CRHR2: variants seen among roughly 807,000 people sequenced by gnomAD.
CRHR2 encodes the protein corticotropin-releasing hormone receptor 2.
CRHR2 carries 53 observed loss-of-function variants against 57.9 expected under a neutral mutation model. That is an observed-to-expected ratio of 0.92 (90% confidence interval 0.73 to 1.15). CRHR2 has a LOEUF of 1.15. Among genes scored for constraint, CRHR2 ranks in the 50% most tolerant of loss-of-function variants. The pLI, the probability that CRHR2 is intolerant of heterozygous loss-of-function variation, is 0.00. For missense variants in CRHR2, 532 were observed against 542.6 expected (o/e 0.98, Z 0.19); for synonymous variants, 213 against 220.9 (o/e 0.96, Z 0.32).
At chr7:30,666,846 T>A (rs1249424019) in intron 3 of CRHR2, among the ~76,000 whole-genome samples, 2 of 150,828 alleles carry the variant, frequency 1.3e-5, no homozygotes, top group African/African-American at 4.8e-5. Flanking sequence ...GGGCTGCATT[T>A]GTTTCCATGT....
At chr7:30,689,848 G>A (rs994561342) in intron 1 of CRHR2, among the ~76,000 whole-genome samples, 112 of 152,334 alleles carry the variant, frequency 7.4e-4, no homozygotes, top group East Asian at 9.6e-4. Flanking sequence ...AGGTTAATAC[G>A]TGAGAGAAGT....
chr7:30,666,559 CA>C (rs1784190238), intron 3 of CRHR2, among the ~76,000 whole-genome samples: 1 of 152,236 alleles, frequency 6.6e-6, no homozygotes. Flanking sequence ...CCCTGTGGCT[CA>C]CATTTTGCAG....
intron 2 of CRHR2, among the ~76,000 whole-genome samples, chr7:30,680,819 T>TGTGC (rs1491100974): frequency 6.1e-4 from 1 of 1,642 alleles, no homozygotes; most frequent in Non-Finnish European, 7.7e-3. Context: ...TCTGAAAGCT[T>TGTGC]GTGTGTGTGT....
chr7:30,667,551 T>G (rs529218890), intron 2 of CRHR2, among the ~76,000 whole-genome samples: 8 of 152,374 alleles, frequency 5.3e-5, no homozygotes, highest in African/African-American at 1.7e-4. Context: ...TTGACTAGCA[T>G]TTTGTACACT....
upstream of CRHR2, chr7:30,686,465 A>G (rs1784859761): frequency 1.3e-6 from 2 of 1,528,768 alleles, no homozygotes; most frequent in East Asian, 4.9e-5. Context: ...CAACCCTGGC[A>G]TATGTGTGTG....
At chr7:30,678,510 C>T (rs1246270236) in intron 2 of CRHR2, among the ~76,000 whole-genome samples, 1 of 152,176 alleles carries the variant, frequency 6.6e-6, no homozygotes, top group Non-Finnish European at 1.5e-5. Flanking sequence ...CTTCCCTTGG[C>T]CCTGCTGCAT....
Position 30,656,171 on chromosome 7 carries a change from C to T in CRHR2, c.832-159G>A, listed in dbSNP as rs1783782926. Among the ~76,000 whole-genome samples the T allele has an allele frequency of 6.6e-6, 1 of 151,888 alleles. No individual in the cohort carries two copies. Among genetic ancestry groups the T allele is most frequent in the African/African-American group, 2.4e-5 (1 of 41,368 alleles). ...CTAGCACCTGCCAGCATCCCAAGGC[C>T]TGTGCTCCTCCCTCGCCAGGATGGG... On this transcript the variant is annotated intron_variant, in intron 8 of 11. Coordinates refer to ENST00000471646, the MANE Select transcript of CRHR2 (RefSeq NM_001883.5). This position sits in a 1 kb window ranked among gnomAD's most constrained non-coding sequence, Gnocchi z 4.4.
In CRHR2 at chr7:30,665,941, G is replaced by A. The variant is rs1250487400; in HGVS notation, c.316-302C>T. Among the ~76,000 whole-genome samples the A allele has an allele frequency of 2.0e-5, 3 of 152,172 alleles. No homozygotes were observed. The highest frequency in any genetic ancestry group is 6.5e-5 in the Admixed American group (1 of 15,286). On this transcript the variant is annotated intron_variant, in intron 3 of 11. Transcript: ENST00000471646. The surrounding 1 kb of genome is among the most constrained non-coding windows in gnomAD (Gnocchi z 4.5). Reference sequence around the variant, plus strand: ...ACAGGTGTGATCACAGTGCACCGCAGCCTTGATCTGCAGGCCTGAAGCAAT... The same window carrying A: ...ACAGGTGTGATCACAGTGCACCGCAACCTTGATCTGCAGGCCTGAAGCAAT...
intron 3 of CRHR2, among the ~76,000 whole-genome samples, chr7:30,666,327 C>A (rs965200605): frequency 6.6e-6 from 1 of 152,210 alleles, no homozygotes; most frequent in Non-Finnish European, 1.5e-5. Flanking sequence ...TTTAGAAATT[C>A]TATTCAAACT....
chr7:30,661,293 G>T (rs1335783835), intron 7 of CRHR2, among the ~76,000 whole-genome samples: 1 of 152,202 alleles, frequency 6.6e-6, no homozygotes, highest in Non-Finnish European at 1.5e-5. Flanking sequence ...CAACTTTGGG[G>T]AACTCATTCC....
At chr7:30,682,675 G>T, upstream of CRHR2, 1 of 250,382 alleles carries the variant, frequency 4.0e-6, no homozygotes, top group Non-Finnish European at 6.5e-6. Context: ...GCTGGAGAGC[G>T]TGGGCCTGGG....
intron 2 of CRHR2, among the ~76,000 whole-genome samples, chr7:30,688,624 C>T (rs1359807668): frequency 1.3e-5 from 2 of 152,218 alleles, no homozygotes; most frequent in South Asian, 2.1e-4. Flanking sequence ...ACCCCCACTC[C>T]CATCCTGTGG....
At chr7:30,670,078 T>C (rs1249883123) in intron 2 of CRHR2, among the ~76,000 whole-genome samples, 1 of 152,096 alleles carries the variant, frequency 6.6e-6, no homozygotes, top group African/African-American at 2.4e-5. Flanking sequence ...TTTTCCACTT[T>C]ATTGCCCTTG....
upstream of CRHR2, chr7:30,686,277 C>T (rs2128149924): frequency 7.5e-7 from 1 of 1,339,506 alleles, no homozygotes; most frequent in East Asian, 2.7e-5. Flanking sequence ...TCTCATCTAC[C>T]AGCCCATGCC....
chr7:30,653,134 G>T lies in CRHR2; in HGVS notation c.*326C>A, dbSNP rs1191830247. 6.2e-5 allele frequency: 18 copies of T among 290,524 alleles called. No homozygotes were observed. The highest frequency in any genetic ancestry group is 1.0e-4 in the Non-Finnish European group (16 of 153,494). 18.0% of individuals were successfully genotyped at this position (290,524 alleles called of 1,614,324 possible). ...TCTGCTACTATAAATAGCTGTGTGT[G>T]TTGGACAGGTCCTTCTCTGCTCTGG... On this transcript the variant is annotated 3_prime_UTR_variant, in exon 12 of 12. Transcript: ENST00000471646. This position sits in a 1 kb window ranked among gnomAD's most constrained non-coding sequence, Gnocchi z 5.0.
At position 30,662,205 on chromosome 7, in the gene CRHR2, G is replaced by T; in HGVS notation, c.709C>A (p.Pro237Thr). 6.2e-7 allele frequency: 1 copy of T among 1,614,156 alleles called. No homozygotes were observed. Reference sequence around the variant, plus strand: ...CCGATGGCCCAGGCGACGATGATGGGGAAGGGGATGCCTGAAAGAAGGAAA... The same window carrying T: ...CCGATGGCCCAGGCGACGATGATGGTGAAGGGGATGCCTGAAAGAAGGAAA... Reference protein sequence around the residue: ...FLFIGWCIPFPIIVAWAIGKL... With the variant: ...FLFIGWCIPFTIIVAWAIGKL... The change falls in exon 7 of 12, where the codon CCC becomes ACC. Residue 237 changes from proline to threonine, a missense_variant. By Grantham distance (38) the Pro-to-Thr change is conservative. Coordinates refer to ENST00000471646, the MANE Select transcript of CRHR2 (RefSeq NM_001883.5).
chr7:30,669,125 G>A (rs1178150095), intron 2 of CRHR2, among the ~76,000 whole-genome samples: 1 of 152,158 alleles, frequency 6.6e-6, no homozygotes, highest in Non-Finnish European at 1.5e-5. Context: ...GTCTATGTGA[G>A]GTGAGGCAGA....
chr7:30,665,641 T>C lies in CRHR2; in HGVS notation c.316-2A>G, dbSNP rs941136201. On this transcript the variant is annotated splice_acceptor_variant, in intron 3 of 11. Transcript: ENST00000471646. LOFTEE classifies it high-confidence loss of function. The surrounding 1 kb of genome is among the most constrained non-coding windows in gnomAD (Gnocchi z 4.5). ...GTAGTGCAGGTCATACTTCCTCTGCTGGACAGACAGACATGGGCAGGGCAG... is the reference window on the plus strand; with the variant it reads ...GTAGTGCAGGTCATACTTCCTCTGCCGGACAGACAGACATGGGCAGGGCAG... 1.5e-5 allele frequency: 23 copies of C among 1,554,788 alleles called. No individual in the cohort carries two copies. Among genetic ancestry groups the C allele is most frequent in the Non-Finnish European group, 1.9e-5 (22 of 1,148,548 alleles).
At chr7:30,698,229 G>A (rs73685771) in intron 1 of CRHR2, 2,332 of 152,432 alleles carry the variant, frequency 0.015, 50 homozygotes, top group African/African-American at 0.052. Flanking sequence ...GAGTGGCTGT[G>A]GGTAAGTAAC....
Sources: allele counts gnomAD v4.1 joint callset (sites outside exome capture counted in the v4.1 genomes callset), GRCh38; gene constraint gnomAD v4.1.1; non-coding constraint Gnocchi (gnomAD v3.1); transcripts MANE v1.5; gene names NCBI Gene and HGNC (gene_info 2026-07-23, HGNC 2026-07-21).